Variants in PARD3B observed in about 807,000 individuals in gnomAD.
PARD3B encodes the protein partitioning defective 3 homolog B.
In PARD3B, 103 loss-of-function variants were observed where a neutral mutation model predicts 130.2. The ratio of observed to expected loss-of-function variants is 0.79; its 90% CI spans 0.67 to 0.93. The LOEUF (loss-of-function observed/expected upper bound fraction) is 0.93, where lower values mean the gene tolerates loss of function less well. Ranked by LOEUF, PARD3B falls within the 40% of genes least tolerant of loss-of-function variation. The pLI is 0.00. For synonymous variants in PARD3B, 583 were observed against 553.2 expected (o/e 1.05, Z -0.76); for missense variants, 1,609 against 1,499.2 (o/e 1.07, Z -1.21).
rs536650659 is a variant in PARD3B, at chr2:205,567,688, T to C, written c.3260+14285T>C. Among the ~76,000 whole-genome samples the C allele has an allele frequency of 1.1e-4, 17 of 151,534 alleles. 1 individual carries two copies. The highest frequency in any genetic ancestry group is 2.4e-4 in the Non-Finnish European group (16 of 67,844). ...TGGACATTCTCATAATTTTCCAGTA[T>C]CAATTCAAAAGTTTAAAAAGTCCTC... On this transcript the variant is annotated intron_variant, in intron 22 of 22. Transcript: ENST00000406610.
rs975711523 is a variant in PARD3B, at chr2:205,230,724, G to T, written c.2141-15054G>T. Among the ~76,000 whole-genome samples, 3 of 152,128 alleles carry T rather than the reference G, an allele frequency of 2.0e-5. No individual in the cohort carries two copies. The highest frequency in any genetic ancestry group is 7.2e-5 in the African/African-American group (3 of 41,430). On this transcript the variant is annotated intron_variant, in intron 15 of 22. Coordinates refer to ENST00000406610, the MANE Select transcript of PARD3B (RefSeq NM_001302769.2). The surrounding 1 kb of genome is among the most constrained non-coding windows in gnomAD (Gnocchi z 4.1). ...ACTTGCCCAGTAATTGCAGTCCTTA[G>T]GGCCTAGACTACCTTTCAAGTCTGT... is the stretch of plus-strand genomic sequence containing the variant.
rs373775324 is a variant in PARD3B at position 205,109,173 on chromosome 2, G to C, written c.594-4318G>C. Among the ~76,000 whole-genome samples the C allele has an allele frequency of 4.6e-5, 7 of 152,318 alleles. No homozygotes were observed. In the South Asian group the frequency reaches 1.4e-3, roughly 32 times the overall value. On this transcript the variant is annotated intron_variant, in intron 5 of 22. Coordinates refer to ENST00000406610, the MANE Select transcript of PARD3B (RefSeq NM_001302769.2). ...TCTCATCACCAACAACAAAGTCTTTGATAGATTTTTACTCAGTACATTTGC... is the reference window on the plus strand; with the variant it reads ...TCTCATCACCAACAACAAAGTCTTTCATAGATTTTTACTCAGTACATTTGC...
At chr2:204,563,817 A>G (rs1410548021) in intron 1 of PARD3B, among the ~76,000 whole-genome samples, 1 of 152,076 alleles carries the variant, frequency 6.6e-6, no homozygotes, top group Non-Finnish European at 1.5e-5. Flanking sequence ...TCTGTCACCC[A>G]GGCTAGAGTG....
chr2:204,940,072 G>C (rs2125799138), intron 2 of PARD3B, among the ~76,000 whole-genome samples: 1 of 152,302 alleles, frequency 6.6e-6, no homozygotes, highest in Middle Eastern at 3.4e-3. Flanking sequence ...ATTCATAAGA[G>C]AGCTTACCGG....
At chr2:205,445,163 G>T (rs1352634920) in intron 20 of PARD3B, among the ~76,000 whole-genome samples, 1 of 152,128 alleles carries the variant, frequency 6.6e-6, no homozygotes, top group Non-Finnish European at 1.5e-5. Context: ...GCCCAGAGAA[G>T]ATGAGTGACT....
chr2:204,962,310 G>A (rs946503387), intron 2 of PARD3B, among the ~76,000 whole-genome samples: 1 of 152,166 alleles, frequency 6.6e-6, no homozygotes, highest in Non-Finnish European at 1.5e-5. Flanking sequence ...ATCCAACATT[G>A]CCTGTTTGTA....
intron 2 of PARD3B, among the ~76,000 whole-genome samples, chr2:204,955,221 G>A (rs1218316976): frequency 6.6e-6 from 1 of 152,106 alleles, no homozygotes; most frequent in East Asian, 1.9e-4. Flanking sequence ...TCAAAACTAG[G>A]TCTGTTAATG....
chr2:204,841,654 A>G (rs909802570), intron 2 of PARD3B, among the ~76,000 whole-genome samples: 1 of 152,064 alleles, frequency 6.6e-6, no homozygotes, highest in African/African-American at 2.4e-5. Flanking sequence ...TTGTTTTGCG[A>G]TGAGGGCAAA....
intron 2 of PARD3B, among the ~76,000 whole-genome samples, chr2:204,964,538 T>A (rs1385460412): frequency 2.6e-5 from 4 of 152,032 alleles, no homozygotes; most frequent in Non-Finnish European, 2.9e-5. Context: ...CTTAAACCAG[T>A]CAACACAGAG....
At chr2:205,444,216 C>T (rs1254314584) in intron 20 of PARD3B, among the ~76,000 whole-genome samples, 1 of 152,186 alleles carries the variant, frequency 6.6e-6, no homozygotes, top group Non-Finnish European at 1.5e-5. Context: ...CTCCTGACTT[C>T]AGGTGATCTG....
chr2:204,923,492 C>A (rs927026105), intron 2 of PARD3B, among the ~76,000 whole-genome samples: 1 of 151,404 alleles, frequency 6.6e-6, no homozygotes, highest in African/African-American at 2.4e-5. Flanking sequence ...CAGCCTTAAC[C>A]CTATACTTAT....
chr2:205,416,028 CAGGAA>C (rs1329731583), intron 19 of PARD3B, among the ~76,000 whole-genome samples: 1 of 151,972 alleles, frequency 6.6e-6, no homozygotes, highest in Non-Finnish European at 1.5e-5. Flanking sequence ...TCAGATGACA[CAGGAA>C]AGGAATTTTT....
chr2:205,538,664 C>T (rs1257809715), intron 21 of PARD3B, among the ~76,000 whole-genome samples: 1 of 152,146 alleles, frequency 6.6e-6, no homozygotes, highest in Non-Finnish European at 1.5e-5. Flanking sequence ...TTCCCAATAC[C>T]GTTTTCGGAA....
intron 2 of PARD3B, among the ~76,000 whole-genome samples, chr2:204,954,132 G>C (rs1575408836): frequency 6.6e-6 from 1 of 152,128 alleles, no homozygotes; most frequent in Non-Finnish European, 1.5e-5. Context: ...TCCCAGCAGG[G>C]TTAGCCATAT....
chr2:205,261,397 G>A (rs915188040), intron 16 of PARD3B, among the ~76,000 whole-genome samples: 1 of 152,146 alleles, frequency 6.6e-6, no homozygotes, highest in Admixed American at 6.5e-5. Flanking sequence ...ATGAGTGAAT[G>A]AATGAATGAA....
intron 2 of PARD3B, among the ~76,000 whole-genome samples, chr2:204,781,759 A>C (rs1429998307): frequency 6.6e-6 from 1 of 152,154 alleles, no homozygotes; most frequent in African/African-American, 2.4e-5. Flanking sequence ...GTAGGTATGC[A>C]TAATGGACAT....
intron 1 of PARD3B, among the ~76,000 whole-genome samples, chr2:204,634,439 A>G (rs987761648): frequency 2.6e-5 from 4 of 152,170 alleles, no homozygotes; most frequent in Non-Finnish European, 4.4e-5. Context: ...TGTAAACATC[A>G]TTTTTAAAAG....
chr2:204,930,234 A>G (rs1432905982), intron 2 of PARD3B, among the ~76,000 whole-genome samples: 1 of 151,146 alleles, frequency 6.6e-6, no homozygotes, highest in Non-Finnish European at 1.5e-5. Context: ...TCTATCTAAC[A>G]TTTTGGAGTA....
intron 21 of PARD3B, among the ~76,000 whole-genome samples, chr2:205,520,255 A>G (rs1445552568): frequency 6.6e-6 from 1 of 152,182 alleles, no homozygotes; most frequent in Non-Finnish European, 1.5e-5. Context: ...CTGCAAGCCC[A>G]AGCCAGGGAT....
Sources: allele counts gnomAD v4.1 joint callset (sites outside exome capture counted in the v4.1 genomes callset), GRCh38; gene constraint gnomAD v4.1.1; non-coding constraint Gnocchi (gnomAD v3.1); transcripts MANE v1.5; gene names NCBI Gene and HGNC (gene_info 2026-07-23, HGNC 2026-07-21).